Variants in CSTF1 observed in about 807,000 individuals in gnomAD.
CSTF1 encodes CF-1 50 kDa subunit.
A neutral mutation model predicts 40.9 loss-of-function variants in CSTF1; 2 were observed. The observed-to-expected ratio is 0.05, with a 90% confidence interval of 0.02 to 0.15. The LOEUF (loss-of-function observed/expected upper bound fraction) is 0.15. CSTF1 is among the 10% of genes least tolerant of loss of function. The pLI, the probability that CSTF1 is intolerant of heterozygous loss-of-function variation, is 1.00. For synonymous variants in CSTF1, 218 were observed against 207.2 expected, an observed-to-expected ratio of 1.05 and a Z score of -0.45; for missense variants, 279 against 558.9, an observed-to-expected ratio of 0.50 and a Z score of 5.05.
chr20:56,402,932 TAAAA>T (rs76350193), intron 5 of CSTF1, among the ~76,000 whole-genome samples: 1 of 119,486 alleles, frequency 8.4e-6, no homozygotes. Flanking sequence ...AGACTCTGTC[TAAAA>T]AAAAAAAAAA....
At chr20:56,393,117 A>AATATATATATAT (rs150366258) in intron 1 of CSTF1, among the ~76,000 whole-genome samples, 39 of 148,314 alleles carry the variant, frequency 2.6e-4, no homozygotes, top group Non-Finnish European at 5.3e-4. Flanking sequence ...GGCCACTTAA[A>AATATATATATAT]ATATATATAT....
rs758161583 is a variant in CSTF1, at chr20:56,397,177, T to C, written c.170-30T>C. 3.1e-6 allele frequency: 5 copies of C among 1,587,596 alleles called. No individual in the cohort carries two copies. In the East Asian group the frequency reaches 1.1e-4, roughly 36 times the overall value. On this transcript the variant is annotated intron_variant, in intron 2 of 5. Coordinates refer to ENST00000217109, the MANE Select transcript of CSTF1 (RefSeq NM_001324.3). This position sits in a 1 kb window ranked among gnomAD's most constrained non-coding sequence, Gnocchi z 4.4. ...CCTTTTTAAGAAAAAACACTTGTTT[T>C]GTTACGCCCTTAATTTTGATTTCTT...
At position 56,403,968 on chromosome 20, in the gene CSTF1, C is replaced by G. The variant is rs1216542373; in HGVS notation, c.*241C>G. 2.2e-6 allele frequency: 1 copy of G among 450,136 alleles called. No individual in the cohort carries two copies. The highest frequency in any genetic ancestry group is 3.6e-5 in the Admixed American group (1 of 27,744). The allele number at this position is 450,136 out of a possible 1,614,324, so 27.9% of individuals were successfully genotyped here. On this transcript the variant is annotated 3_prime_UTR_variant, in exon 6 of 6. Coordinates refer to ENST00000217109, the MANE Select transcript of CSTF1 (RefSeq NM_001324.3). ...CTGATTATTACAGTGTGATTTTCAT[C>G]GGTTTTGTAAGTACAGGACTTGCCG... is the stretch of plus-strand genomic sequence containing the variant.
Position 56,404,368 on chromosome 20 carries a change from A to G in CSTF1, c.*641A>G, listed in dbSNP as rs1405147500. ...CCTACATTATCCTTCAATATCTGCA[A>G]TACTTGTCTTTAGTAACTGTATTTC... On this transcript the variant is annotated 3_prime_UTR_variant, in exon 6 of 6. Transcript: ENST00000217109. 1 of 152,224 alleles carries G rather than the reference A, an allele frequency of 6.6e-6. No homozygotes were observed. Among genetic ancestry groups the G allele is most frequent in the Non-Finnish European group, 1.5e-5 (1 of 68,058 alleles). The allele number at this position is 152,224 out of a possible 1,614,324, so 9.4% of individuals were successfully genotyped here. A position where few individuals can be genotyped will look rare whatever the true frequency, so the allele number is the denominator to read the frequency against.
Position 56,404,814 on chromosome 20 carries a change from T to A in CSTF1, c.*1087T>A. 1 of 18,204 alleles carries A rather than the reference T, an allele frequency of 5.5e-5. No individual in the cohort carries two copies. The highest frequency in any genetic ancestry group is 2.6e-3 in the East Asian group (1 of 382). 1.1% of individuals were successfully genotyped at this position (18,204 alleles called of 1,614,324 possible). On this transcript the variant is annotated 3_prime_UTR_variant, in exon 6 of 6. Coordinates refer to ENST00000217109, the MANE Select transcript of CSTF1 (RefSeq NM_001324.3). ...GCACCCACCACCACGCCCGGCTAAT[T>A]TTTTTTTTTTTTTTTTTTTTTTTTG...
chr20:56,400,908 G>A (rs1164232666), intron 5 of CSTF1, among the ~76,000 whole-genome samples: 7 of 152,122 alleles, frequency 4.6e-5, no homozygotes, highest in East Asian at 1.9e-4. Context: ...GCTTGGTGGC[G>A]GGCGCCTGTA....
At chr20:56,403,200 GC>G (rs1256028273) in intron 5 of CSTF1, among the ~76,000 whole-genome samples, 1 of 150,804 alleles carries the variant, frequency 6.6e-6, no homozygotes, top group Non-Finnish European at 1.5e-5. Context: ...ATGCAGTCTT[GC>G]TCTTGCTCTG....
chr20:56,395,498 C>T lies in CSTF1; in HGVS notation c.-32-23C>T, dbSNP rs1987491135. 3 of 1,525,644 alleles carry T rather than the reference C, an allele frequency of 2.0e-6. No homozygotes were observed. The South Asian group carries it at 3.6e-5, about 18-fold the overall frequency. 94.5% of individuals were successfully genotyped at this position (1,525,644 alleles called of 1,614,324 possible). Reference sequence around the variant, plus strand: ...GATTTACTAGAGCCTGTACCCTTCACCGTCCATTTTCCGTTTTTGCAGCTG... The same window carrying T: ...GATTTACTAGAGCCTGTACCCTTCATCGTCCATTTTCCGTTTTTGCAGCTG... On this transcript the variant is annotated intron_variant, in intron 1 of 5. Transcript: ENST00000217109.
At position 56,397,977 on chromosome 20, in the gene CSTF1, C is replaced by T. The variant is rs1222026451; in HGVS notation, c.645+136C>T. 4 of 689,060 alleles carry T rather than the reference C, an allele frequency of 5.8e-6. No homozygotes were observed. Among genetic ancestry groups the T allele is most frequent in the East Asian group, 5.4e-5 (2 of 37,086 alleles). 42.7% of individuals were successfully genotyped at this position (689,060 alleles called of 1,614,324 possible). ...AGACCAGGATGCATGCCCGATGGCA[C>T]ATGGATCAGATTTTGTTGGCACATA... On this transcript the variant is annotated intron_variant, in intron 4 of 5. Transcript: ENST00000217109. The surrounding 1 kb of genome is among the most constrained non-coding windows in gnomAD (Gnocchi z 4.4).
At position 56,397,200 on chromosome 20, in the gene CSTF1, C is replaced by G; in HGVS notation, c.170-7C>G. On this transcript the variant is annotated splice_region_variant and splice_polypyrimidine_tract_variant and intron_variant, in intron 2 of 5. Coordinates refer to ENST00000217109, the MANE Select transcript of CSTF1 (RefSeq NM_001324.3). The surrounding 1 kb of genome is among the most constrained non-coding windows in gnomAD (Gnocchi z 4.4). Reference sequence around the variant, plus strand: ...TTTGTTACGCCCTTAATTTTGATTTCTTTCAGGAATGGAAAACGATGACAC... The same window carrying G: ...TTTGTTACGCCCTTAATTTTGATTTGTTTCAGGAATGGAAAACGATGACAC... 2 of 1,603,402 alleles carry G rather than the reference C, an allele frequency of 1.2e-6. No homozygotes were observed. The highest frequency in any genetic ancestry group is 1.7e-6 in the Non-Finnish European group (2 of 1,173,892).
At chr20:56,400,324 T>C (rs1286600803) in intron 5 of CSTF1, among the ~76,000 whole-genome samples, 1 of 152,224 alleles carries the variant, frequency 6.6e-6, no homozygotes, top group Admixed American at 6.5e-5. Flanking sequence ...GCCATTTTTA[T>C]CATAATTCTT....
Position 56,398,950 on chromosome 20 carries a change from T to C in CSTF1, c.646-17T>C, listed in dbSNP as rs370925674. On this transcript the variant is annotated splice_polypyrimidine_tract_variant and intron_variant, in intron 4 of 5. Transcript: ENST00000217109. ...TTCACCAGTTGGTCACTTGTATTAATGTCTCTGTCCCAACAGGAAGCTGAA... is the reference window on the plus strand; with the variant it reads ...TTCACCAGTTGGTCACTTGTATTAACGTCTCTGTCCCAACAGGAAGCTGAA... The C allele has an allele frequency of 2.5e-6, 4 of 1,573,764 alleles. No homozygotes were observed. In the East Asian group the frequency reaches 6.7e-5, roughly 27 times the overall value.
At position 56,405,437 on chromosome 20, in the gene CSTF1, A is replaced by G; in HGVS notation, c.*1710A>G. On this transcript the variant is annotated 3_prime_UTR_variant, in exon 6 of 6. Coordinates refer to ENST00000217109, the MANE Select transcript of CSTF1 (RefSeq NM_001324.3). ...TTGGTCAGGCTGGTCTCGAACTCCC[A>G]ACCTCAGGTAATCCGCCCGCCTCAG... 1 of 151,248 alleles carries G rather than the reference A, an allele frequency of 6.6e-6. No individual in the cohort carries two copies. The highest frequency in any genetic ancestry group is 1.5e-5 in the Non-Finnish European group (1 of 67,726). The allele number at this position is 151,248 out of a possible 1,614,324, so 9.4% of individuals were successfully genotyped here.
intron 1 of CSTF1, among the ~76,000 whole-genome samples, chr20:56,394,404 TG>T (rs1180973527): frequency 6.6e-6 from 1 of 152,188 alleles, no homozygotes; most frequent in Non-Finnish European, 1.5e-5. Flanking sequence ...CTGGCCAATA[TG>T]GTGAAACCCC....
At chr20:56,396,678 C>T (rs536334729) in intron 2 of CSTF1, among the ~76,000 whole-genome samples, 1 of 152,152 alleles carries the variant, frequency 6.6e-6, no homozygotes, top group East Asian at 1.9e-4. Flanking sequence ...GTTAATTTTT[C>T]CTCTACTAAT....
chr20:56,403,742 A>C lies in CSTF1; in HGVS notation c.*15A>C. ...CCACTGACTGAGCCACCCTCTCCGT[A>C]GGGTTCTTTCTCGAGGACTCTACCC... is the stretch of plus-strand genomic sequence containing the variant. On this transcript the variant is annotated 3_prime_UTR_variant, in exon 6 of 6. Coordinates refer to ENST00000217109, the MANE Select transcript of CSTF1 (RefSeq NM_001324.3). 1 of 1,603,718 alleles carries C rather than the reference A, an allele frequency of 6.2e-7. No homozygotes were observed. Among genetic ancestry groups the C allele is most frequent in the East Asian group, 2.2e-5 (1 of 44,586 alleles).
At position 56,397,783 on chromosome 20, in the gene CSTF1, C is replaced by T; in HGVS notation, c.587C>T (p.Thr196Ile). The T allele has an allele frequency of 6.2e-7, 1 of 1,614,096 alleles. No homozygotes were observed. Among genetic ancestry groups the T allele is most frequent in the Non-Finnish European group, 8.5e-7 (1 of 1,179,954 alleles). Residue 196 changes from threonine (T) to isoleucine (I), a missense_variant, in exon 4 of 6, where the codon ACT becomes ATT. Thr to Ile is a moderately conservative substitution (Grantham distance 89). Around this residue, in one of 4 missense-constraint regions of CSTF1, gnomAD observed 162 missense variants for 337.1 expected, o/e 0.48. Transcript: ENST00000217109. The surrounding 1 kb of genome is among the most constrained non-coding windows in gnomAD (Gnocchi z 4.4). Reference sequence around the variant, plus strand: ...CTGGCTTCTGGTTCAAGGGATTATACTCTTAAATTATTTGATTATTCCAAA... The same window carrying T: ...CTGGCTTCTGGTTCAAGGGATTATATTCTTAAATTATTTGATTATTCCAAA... ...QILASGSRDYTLKLFDYSKPS... is the reference protein window; with the variant it reads ...QILASGSRDYILKLFDYSKPS...
intron 4 of CSTF1, among the ~76,000 whole-genome samples, chr20:56,398,109 G>A (rs1978321234): frequency 6.6e-6 from 1 of 151,896 alleles, no homozygotes; most frequent in African/African-American, 2.4e-5. Context: ...GTAGATCCCT[G>A]TTATAAACAA....
At chr20:56,396,840 A>G (rs1053774345) in intron 2 of CSTF1, 1 of 175,434 alleles carries the variant, frequency 5.7e-6, no homozygotes, top group African/African-American at 2.4e-5. Context: ...AGCTGCTAAT[A>G]TATCTCAACC....
Sources: gnomAD v4.1 joint callset for allele counts (sites outside exome capture counted in the v4.1 genomes callset) on GRCh38, gnomAD v4.1.1 for gene constraint, gnomAD v4.1.1 regional missense constraint, Gnocchi (gnomAD v3.1) non-coding constraint, MANE v1.5 for transcripts, NCBI Gene and HGNC (gene_info 2026-07-23, HGNC 2026-07-21) for gene names.